The following TULP4 variants were observed in gnomAD, a reference collection of about 807,000 sequenced individuals.
TULP4 encodes TUB like protein 4.
A neutral mutation model predicts 129.0 loss-of-function variants in TULP4; 16 were observed. The observed-to-expected ratio is 0.12, with a 90% CI of 0.08 to 0.19. The LOEUF (loss-of-function observed/expected upper bound fraction) is 0.19. TULP4 is among the 10% of genes least tolerant of loss of function. The pLI, the probability that TULP4 is intolerant of heterozygous loss-of-function variation, is 1.00. For synonymous variants in TULP4, 998 were observed against 854.0 expected, an observed-to-expected ratio of 1.17 and a Z score of -2.94; for missense variants, 1,842 against 2,059.1, an observed-to-expected ratio of 0.89 and a Z score of 2.04.
At chr6:158,504,674 G>C (rs1780559235) in intron 13 of TULP4, among the ~76,000 whole-genome samples, 2 of 148,626 alleles carry the variant, frequency 1.3e-5, no homozygotes, top group African/African-American at 2.5e-5. Context: ...TTTTTTTTTA[G>C]AAATGGGAGT....
chr6:158,332,183 AAAAAAAAAAAAAAAAAAATATATAT>A (rs1210594587), intron 1 of TULP4, among the ~76,000 whole-genome samples: 61 of 41,406 alleles, frequency 1.5e-3, no homozygotes, highest in African/African-American at 6.8e-3. Context: ...AAAAAAAAAA[AAAAAAAAAAAAAAAAAAATATATAT>A]ATATATATAT....
chr6:158,240,890 G>A (rs1010936443), intron 1 of TULP4, among the ~76,000 whole-genome samples: 1 of 150,636 alleles, frequency 6.6e-6, no homozygotes, highest in African/African-American at 2.4e-5. Context: ...GCCGGGCGGA[G>A]ACGCTCCTCA....
At chr6:158,499,950 G>A (rs1221997186) in intron 12 of TULP4, among the ~76,000 whole-genome samples, 1 of 152,110 alleles carries the variant, frequency 6.6e-6, no homozygotes, top group African/African-American at 2.4e-5. Flanking sequence ...AGGCTTATGT[G>A]GTCCTAATAG....
intron 1 of TULP4, among the ~76,000 whole-genome samples, chr6:158,264,125 G>A (rs1054001720): frequency 5.3e-5 from 8 of 152,282 alleles, no homozygotes; most frequent in African/African-American, 1.9e-4. Flanking sequence ...TTTTACTCAT[G>A]AAGTAAAAGA....
At chr6:158,346,491 G>A (rs921605046) in intron 1 of TULP4, among the ~76,000 whole-genome samples, 3 of 152,166 alleles carry the variant, frequency 2.0e-5, no homozygotes, top group Non-Finnish European at 4.4e-5. Context: ...AAAAAATGGT[G>A]TGACTCGATT....
At chr6:158,348,425 T>C (rs1290933046) in intron 1 of TULP4, among the ~76,000 whole-genome samples, 1 of 152,068 alleles carries the variant, frequency 6.6e-6, no homozygotes, top group Non-Finnish European at 1.5e-5. Flanking sequence ...AAGCACATCT[T>C]GCACCGCCCT....
chr6:158,391,046 G>T (rs1054493521), intron 1 of TULP4, among the ~76,000 whole-genome samples: 1 of 152,134 alleles, frequency 6.6e-6, no homozygotes, highest in Admixed American at 6.5e-5. Flanking sequence ...CTGCACTTCA[G>T]CCTGGGCAAC....
At chr6:158,242,127 G>A in intron 1 of TULP4, 8 of 885,176 alleles carry the variant, frequency 9.0e-6, no homozygotes, top group Non-Finnish European at 1.3e-5. Context: ...GCAGAATATA[G>A]GCCATCTGAC....
At position 158,237,384 on chromosome 6, in the gene TULP4, T is replaced by C. The variant is rs922910332; in HGVS notation, n.68+5081T>C. ...TCTTCTTTTTCTGTTGCTGTTTCTT[T>C]TTTGTTGCTGGAGCCCCTGCAGGTC... On this transcript the variant is annotated intron_variant and non_coding_transcript_variant, in intron 1 of 1. Transcript: ENST00000620026. The C allele has an allele frequency of 8.7e-6, 14 of 1,612,468 alleles. No individual in the cohort carries two copies. In the African/African-American group the frequency reaches 1.6e-4, roughly 18 times the overall value.
Position 158,498,734 on chromosome 6 carries a change from C to A in TULP4, c.1936C>A (p.Arg646=), listed in dbSNP as rs142940235. ...RQMTIYLPEV[R]KISMDYINLP... ...GATGACCATTTATCTCCCAGAAGTT[C>A]GGAAAATTTCCATGGACTATATTAA... is the stretch of plus-strand genomic sequence containing the variant. Residue 646 remains arginine, a synonymous_variant, in exon 12 of 14, where the codon CGG becomes AGG. Coordinates refer to ENST00000367097, the MANE Select transcript of TULP4 (RefSeq NM_020245.5). 1.9e-6 allele frequency: 3 copies of A among 1,614,160 alleles called. No homozygotes were observed. The highest frequency in any genetic ancestry group is 2.5e-6 in the Non-Finnish European group (3 of 1,180,026).
upstream of TULP4, among the ~76,000 whole-genome samples, chr6:158,279,564 C>G (rs1251359013): frequency 2.0e-5 from 3 of 152,248 alleles, no homozygotes; most frequent in Middle Eastern, 6.8e-3. Flanking sequence ...TAACACATGG[C>G]TTACATCGTA....
At chr6:158,238,031 A>G (rs1308657689) in intron 1 of TULP4, 2 of 702,842 alleles carry the variant, frequency 2.8e-6, no homozygotes, top group African/African-American at 1.8e-5. Flanking sequence ...TGGTTTTGAT[A>G]CCACCAGATA....
intron 1 of TULP4, among the ~76,000 whole-genome samples, chr6:158,304,018 A>G (rs938171518): frequency 5.3e-5 from 8 of 152,226 alleles, no homozygotes; most frequent in Non-Finnish European, 1.2e-4. Flanking sequence ...AACAAATTGT[A>G]GTGAAAATAA....
intron 1 of TULP4, among the ~76,000 whole-genome samples, chr6:158,368,237 G>A (rs1330991268): frequency 2.0e-5 from 3 of 151,906 alleles, no homozygotes; most frequent in African/African-American, 7.3e-5. Context: ...TTGAATTTTT[G>A]CATAAAAAAT....
chr6:158,464,879 A>G (rs1046008039), intron 6 of TULP4, among the ~76,000 whole-genome samples: 2 of 152,182 alleles, frequency 1.3e-5, no homozygotes, highest in Non-Finnish European at 2.9e-5. Flanking sequence ...CCAACAAGAG[A>G]TGGTTTTGCA....
Position 158,481,081 on chromosome 6 carries a change from G to A in TULP4, c.1278G>A (p.Met426Ile). The A allele has an allele frequency of 1.3e-6, 2 of 1,589,340 alleles. No individual in the cohort carries two copies. The highest frequency in any genetic ancestry group is 1.7e-6 in the Non-Finnish European group (2 of 1,164,368). ...IKPPIPDPNN[M>I]RDFVSYPSAG... Reference sequence around the variant, plus strand: ...CCCCAATTCCAGATCCGAACAACATGAGAGACTTTGTCAGCTACCCATCAG... The same window carrying A: ...CCCCAATTCCAGATCCGAACAACATAAGAGACTTTGTCAGCTACCCATCAG... The change falls in exon 8 of 14, where the codon ATG becomes ATA. Residue 426 changes from methionine (M) to isoleucine (I), a missense_variant. Met to Ile is a conservative substitution (Grantham distance 10). Transcript: ENST00000367097.
At chr6:158,323,575 GTATTCC>G (rs1431419564) in intron 1 of TULP4, among the ~76,000 whole-genome samples, 27 of 152,038 alleles carry the variant, frequency 1.8e-4, no homozygotes, top group African/African-American at 6.3e-4. Context: ...GTACCTTTAG[GTATTCC>G]ATTACAGGAG....
At chr6:158,505,284 A>G (rs1780574977) in intron 13 of TULP4, among the ~76,000 whole-genome samples, 1 of 152,188 alleles carries the variant, frequency 6.6e-6, no homozygotes, top group Non-Finnish European at 1.5e-5. Flanking sequence ...TAATTCACTC[A>G]ATAAATGTTA....
At chr6:158,310,448 G>C (rs1188524033), upstream of TULP4, 1 of 151,876 alleles carries the variant, frequency 6.6e-6, no homozygotes, top group Non-Finnish European at 1.5e-5. Flanking sequence ...AGCCTCCTGA[G>C]TAGTTGGGAT....
Sources: gnomAD v4.1 joint callset for allele counts (sites outside exome capture counted in the v4.1 genomes callset) on GRCh38, gnomAD v4.1.1 for gene constraint, MANE v1.5 for transcripts, NCBI Gene and HGNC (gene_info 2026-07-23, HGNC 2026-07-21) for gene names.